FSTL5: variants seen among roughly 807,000 people sequenced by gnomAD.
FSTL5 encodes the protein follistatin like 5.
Under a neutral mutation model 89.1 loss-of-function variants are expected in FSTL5, and 62 were observed. The observed-to-expected ratio is 0.70, with a 90% CI of 0.57 to 0.86. FSTL5 has a LOEUF of 0.86. FSTL5 is among the 40% of genes least tolerant of loss of function. FSTL5 has a pLI of 0.00. For synonymous variants in FSTL5, 383 were observed against 346.2 expected (o/e 1.11, Z -1.18); for missense variants, 1,057 against 1,001.6 (o/e 1.06, Z -0.75).
intron 6 of FSTL5, among the ~76,000 whole-genome samples, chr4:161,671,973 T>A (rs1737130698): frequency 6.6e-6 from 1 of 152,190 alleles, no homozygotes; most frequent in Non-Finnish European, 1.5e-5. Flanking sequence ...CCCATGTGAA[T>A]CATTCACAGT....
intron 15 of FSTL5, among the ~76,000 whole-genome samples, chr4:161,429,093 C>T (rs1236166393): frequency 6.6e-6 from 1 of 152,028 alleles, no homozygotes. Context: ...CACTGCAGGC[C>T]TGGGGCAGTG....
intron 2 of FSTL5, among the ~76,000 whole-genome samples, chr4:162,046,125 T>C (rs1029747025): frequency 2.0e-5 from 3 of 152,184 alleles, no homozygotes; most frequent in Non-Finnish European, 4.4e-5. Flanking sequence ...CCACTCACTA[T>C]TGGAACACGG....
At chr4:161,861,305 G>T (rs929049250) in intron 4 of FSTL5, among the ~76,000 whole-genome samples, 2 of 152,000 alleles carry the variant, frequency 1.3e-5, no homozygotes, top group Non-Finnish European at 2.9e-5. Flanking sequence ...TGCCGCAATC[G>T]CAGCTGCTTG....
chr4:162,141,262 G>T (rs1166932949), intron 1 of FSTL5, among the ~76,000 whole-genome samples: 1 of 93,628 alleles, frequency 1.1e-5, no homozygotes, highest in East Asian at 2.9e-4. Flanking sequence ...GACTACAGGC[G>T]CGCACCACCA....
At chr4:161,721,481 A>G (rs1739215847) in intron 6 of FSTL5, among the ~76,000 whole-genome samples, 1 of 152,108 alleles carries the variant, frequency 6.6e-6, no homozygotes, top group Admixed American at 6.5e-5. Context: ...ACTTATCTCC[A>G]AACTCATGAA....
intron 1 of FSTL5, among the ~76,000 whole-genome samples, chr4:162,122,216 C>A (rs77561447): frequency 0.08 from 12,147 of 152,080 alleles, 1,032 homozygotes; most frequent in African/African-American, 0.21. Flanking sequence ...TTAATAGCAG[C>A]AACATACTAT....
chr4:161,787,670 G>A (rs1741952811), intron 4 of FSTL5, among the ~76,000 whole-genome samples: 2 of 152,072 alleles, frequency 1.3e-5, no homozygotes. Context: ...AAATCTAGCT[G>A]ACATTTTGAT....
chr4:161,722,807 G>A (rs1739261321), intron 6 of FSTL5, among the ~76,000 whole-genome samples: 1 of 152,116 alleles, frequency 6.6e-6, no homozygotes, highest in Non-Finnish European at 1.5e-5. Flanking sequence ...TATGCTAAAT[G>A]TCACTAGAAG....
chr4:161,690,284 G>A (rs1737884681), intron 6 of FSTL5, among the ~76,000 whole-genome samples: 1 of 151,966 alleles, frequency 6.6e-6, no homozygotes, highest in Non-Finnish European at 1.5e-5. Flanking sequence ...TTTTCATCTT[G>A]TATTTAACAT....
intron 11 of FSTL5, among the ~76,000 whole-genome samples, chr4:161,503,590 C>T (rs187512421): frequency 1.3e-5 from 2 of 152,018 alleles, no homozygotes; most frequent in East Asian, 3.9e-4. Flanking sequence ...ATTTGCCTTG[C>T]TAATTAGTGT....
At chr4:161,872,140 G>GTT (rs1491313878) in intron 4 of FSTL5, among the ~76,000 whole-genome samples, 31,602 of 65,006 alleles carry the variant, frequency 0.49, 6,295 homozygotes, top group South Asian at 0.56. Context: ...TTTTTTTTTT[G>GTT]GTTTTTTTTT....
chr4:161,605,199 A>G (rs1734393087), intron 7 of FSTL5, among the ~76,000 whole-genome samples: 2 of 152,142 alleles, frequency 1.3e-5, no homozygotes, highest in African/African-American at 4.8e-5. Context: ...TGGTTACAGG[A>G]GTGTTTTCAA....
At chr4:161,506,905 A>G (rs1337957088) in intron 11 of FSTL5, among the ~76,000 whole-genome samples, 1 of 152,174 alleles carries the variant, frequency 6.6e-6, no homozygotes, top group East Asian at 1.9e-4. Context: ...TTTCTATAAC[A>G]TATTTTTGTG....
intron 2 of FSTL5, among the ~76,000 whole-genome samples, chr4:162,104,579 C>T (rs752776576): frequency 2.6e-5 from 4 of 152,184 alleles, no homozygotes; most frequent in Non-Finnish European, 5.9e-5. Context: ...TCTCGTGTAA[C>T]ATACTCTATG....
chr4:161,723,235 A>G (rs1323146447), intron 6 of FSTL5, among the ~76,000 whole-genome samples: 1 of 152,176 alleles, frequency 6.6e-6, no homozygotes, highest in Non-Finnish European at 1.5e-5. Flanking sequence ...CATCCACTAA[A>G]ATATTCGTAA....
At chr4:161,629,652 T>C (rs1735435560) in intron 7 of FSTL5, among the ~76,000 whole-genome samples, 1 of 152,154 alleles carries the variant, frequency 6.6e-6, no homozygotes, top group African/African-American at 2.4e-5. Context: ...GCCCATAAAA[T>C]GTTTTTAATG....
chr4:161,681,762 A>T (rs1263249000), intron 6 of FSTL5, among the ~76,000 whole-genome samples: 1 of 152,194 alleles, frequency 6.6e-6, no homozygotes, highest in Non-Finnish European at 1.5e-5. Context: ...AGATAAATTG[A>T]AAGGTTAAAT....
intron 4 of FSTL5, among the ~76,000 whole-genome samples, chr4:161,859,472 A>T (rs1380173020): frequency 6.6e-6 from 1 of 152,226 alleles, no homozygotes; most frequent in Admixed American, 6.5e-5. Flanking sequence ...TCTCTGAAAC[A>T]TAACTCAATG....
At chr4:161,670,784 G>T (rs1737073283) in intron 6 of FSTL5, among the ~76,000 whole-genome samples, 1 of 152,054 alleles carries the variant, frequency 6.6e-6, no homozygotes, top group South Asian at 2.1e-4. Context: ...CCAAAGACTG[G>T]GCCTTAACTA....
Sources: gnomAD v4.1 joint callset for allele counts (sites outside exome capture counted in the v4.1 genomes callset) on GRCh38, gnomAD v4.1.1 for gene constraint, MANE v1.5 for transcripts, NCBI Gene and HGNC (gene_info 2026-07-23, HGNC 2026-07-21) for gene names.